KIF5B: variants seen among roughly 807,000 people sequenced by gnomAD.
The protein encoded by KIF5B is kinesin-1 heavy chain.
In KIF5B, 49 loss-of-function variants were observed where a neutral mutation model predicts 132.8. The ratio of observed to expected loss-of-function variants is 0.37; its 90% CI spans 0.29 to 0.47. KIF5B has a LOEUF of 0.47. Among genes scored for constraint, KIF5B ranks in the 20% least tolerant of loss-of-function variants. The pLI is 1.00. For missense variants in KIF5B, 780 were observed against 1,144.0 expected, an observed-to-expected ratio of 0.68 and a Z score of 4.59; for synonymous variants, 355 against 369.4, an observed-to-expected ratio of 0.96 and a Z score of 0.45.
At chr10:32,037,449 T>C in intron 7 of KIF5B, 71 bp from the exon 8 acceptor site, 1 of 1,593,154 alleles carries the variant, frequency 6.3e-7, no homozygotes, top group Non-Finnish European at 8.6e-7. Flanking sequence ...GAAGCAATCT[T>C]ATAATTAATC....
chr10:32,028,585 A>G lies in KIF5B; in HGVS notation c.1582-14T>C, dbSNP rs377529734. 3.1e-6 allele frequency: 5 copies of G among 1,600,436 alleles called. No individual in the cohort carries two copies. Among genetic ancestry groups the G allele is most frequent in the Non-Finnish European group, 4.3e-6 (5 of 1,174,430 alleles). The stretch of plus-strand genomic sequence containing the variant: ...CGCTAAAGTTGCCTAAGAGAACCCA[A>G]AACAAAAAGTATAGTTAAATCTACT... On this transcript the variant is annotated splice_polypyrimidine_tract_variant and intron_variant, in intron 14 of 25. Transcript: ENST00000302418.
chr10:32,033,326 C>T (rs1841424269), intron 12 of KIF5B, among the ~76,000 whole-genome samples: 1 of 152,174 alleles, frequency 6.6e-6, no homozygotes, highest in Non-Finnish European at 1.5e-5. Flanking sequence ...TGTTAGGAAC[C>T]AAGAAGCACA....
intron 10 of KIF5B, among the ~76,000 whole-genome samples, chr10:32,035,227 T>C (rs1246935402): frequency 6.6e-6 from 1 of 152,242 alleles, no homozygotes; most frequent in East Asian, 1.9e-4. Flanking sequence ...AACAGAGGAT[T>C]ATGTTTGCCA....
At position 32,019,768 on chromosome 10, in the gene KIF5B, T is replaced by C; in HGVS notation, c.2306+90A>G. 9.9e-6 allele frequency: 8 copies of C among 805,342 alleles called. No individual in the cohort carries two copies. The South Asian group carries it at 1.5e-4, about 15-fold the overall frequency. The allele number at this position is 805,342 out of a possible 1,614,324, so 49.9% of individuals were successfully genotyped here. A position where few individuals can be genotyped will look rare whatever the true frequency, so the allele number is the denominator to read the frequency against. On this transcript the variant is annotated intron_variant, in intron 20 of 25. Coordinates refer to ENST00000302418, the MANE Select transcript of KIF5B (RefSeq NM_004521.3). Reference sequence around the variant, plus strand: ...ATCCTTTAGCCCATACAAAGTAAAATATGTATCCACTGGCTATATCCAAAG... The same window carrying C: ...ATCCTTTAGCCCATACAAAGTAAAACATGTATCCACTGGCTATATCCAAAG...
intron 6 of KIF5B, 77 bp from the exon 7 acceptor site, chr10:32,037,684 T>G (rs1841478743): frequency 9.0e-7 from 1 of 1,109,566 alleles, no homozygotes; most frequent in Non-Finnish European, 1.3e-6. Context: ...AACACAAAAA[T>G]TAGCCGGGCG....
chr10:32,042,837 C>T (rs1841560482), intron 2 of KIF5B, among the ~76,000 whole-genome samples: 1 of 152,106 alleles, frequency 6.6e-6, no homozygotes, highest in South Asian at 2.1e-4. Flanking sequence ...TTCAGCCTCC[C>T]CAGCAAAATG....
chr10:32,042,427 C>T (rs76090890), intron 2 of KIF5B, among the ~76,000 whole-genome samples: 2,343 of 152,196 alleles, frequency 0.015, 58 homozygotes, highest in African/African-American at 0.052. Context: ...CACAACGCAC[C>T]CCCAAAATAT....
intron 15 of KIF5B, among the ~76,000 whole-genome samples, chr10:32,026,486 A>G (rs915546611): frequency 2.0e-5 from 3 of 146,532 alleles, no homozygotes; most frequent in African/African-American, 7.4e-5. Context: ...GAGCTTATAT[A>G]TGATGAGAGG....
chr10:32,031,594 A>G (rs1841402995), intron 13 of KIF5B, among the ~76,000 whole-genome samples: 1 of 152,142 alleles, frequency 6.6e-6, no homozygotes, highest in African/African-American at 2.4e-5. Flanking sequence ...AGTGCTTAGT[A>G]ATACAGGAAA....
intron 16 of KIF5B, among the ~76,000 whole-genome samples, chr10:32,022,567 A>G (rs1485213635): frequency 1.3e-5 from 2 of 152,228 alleles, no homozygotes; most frequent in Non-Finnish European, 2.9e-5. Flanking sequence ...TCAGTTGCCA[A>G]GCCAGGAAAC....
chr10:32,018,720 C>CA (rs112190132), intron 20 of KIF5B, among the ~76,000 whole-genome samples, 158 bp from the exon 21 acceptor site: 31,573 of 150,316 alleles, frequency 0.21, 3,433 homozygotes, highest in Non-Finnish European at 0.25. Context: ...TGCTGTCTTT[C>CA]AAAAAAAAAA....
chr10:32,030,245 G>A (rs761638616), intron 14 of KIF5B, among the ~76,000 whole-genome samples: 2 of 152,094 alleles, frequency 1.3e-5, no homozygotes, highest in African/African-American at 2.4e-5. Context: ...CGCCAGGCAC[G>A]GTGGCTCACG....
At chr10:32,041,100 C>G (rs559524744) in intron 2 of KIF5B, among the ~76,000 whole-genome samples, 1 of 146,134 alleles carries the variant, frequency 6.8e-6, no homozygotes, top group Non-Finnish European at 1.5e-5. Flanking sequence ...GAGCTGAGAT[C>G]GAGCCACTGC....
At chr10:32,023,340 T>A (rs1841290199) in intron 15 of KIF5B, among the ~76,000 whole-genome samples, 1 of 152,210 alleles carries the variant, frequency 6.6e-6, no homozygotes, top group Non-Finnish European at 1.5e-5. Flanking sequence ...TCTGCCTCTT[T>A]CAATTTTTTC....
rs1841251920 is a variant in KIF5B, at chr10:32,021,065, C to G, written c.2161G>C (p.Asp721His). 1 of 1,613,156 alleles carries G rather than the reference C, an allele frequency of 6.2e-7. No homozygotes were observed. Among genetic ancestry groups the G allele is most frequent in the Admixed American group, 1.7e-5 (1 of 59,984 alleles). ...AGTTTTGCTTTTGCTTCTACTTCATCTCTCAAACTACTGATCTGTTTTTGA... is the reference window on the plus strand; with the variant it reads ...AGTTTTGCTTTTGCTTCTACTTCATGTCTCAAACTACTGATCTGTTTTTGA... ...THQKQISSLR[D>H]EVEAKAKLIT... Residue 721 changes from aspartate to histidine, a missense_variant, in exon 19 of 26, where the codon GAT becomes CAT. This residue lies in a region of KIF5B where 471 missense variants were observed against 569.9 expected (regional missense o/e 0.83). Coordinates refer to ENST00000302418, the MANE Select transcript of KIF5B (RefSeq NM_004521.3).
At chr10:32,031,346 T>G (rs1841400554) in intron 13 of KIF5B, 67 bp from the exon 14 acceptor site, 1 of 1,193,020 alleles carries the variant, frequency 8.4e-7, no homozygotes, top group Admixed American at 2.0e-5. Context: ...CCATGAAGCT[T>G]CACCATTTGT....
chr10:32,056,396 C>A lies in KIF5B; in HGVS notation c.-423G>T, dbSNP rs955753079. 16 of 219,908 alleles carry A rather than the reference C, an allele frequency of 7.3e-5. No homozygotes were observed. Among genetic ancestry groups the A allele is most frequent in the Non-Finnish European group, 1.4e-4 (15 of 109,290 alleles). The allele number at this position is 219,908 out of a possible 1,614,324, so 13.6% of individuals were successfully genotyped here. A position where few individuals can be genotyped will look rare whatever the true frequency, so the allele number is the denominator to read the frequency against. On this transcript the variant is annotated 5_prime_UTR_variant, in exon 1 of 26. Coordinates refer to ENST00000302418, the MANE Select transcript of KIF5B (RefSeq NM_004521.3). ...GTCCGCTGGCCGGCCGACTGCTGCCCGATCACTCCTGAGGCCGCCGTTGGG... is the reference window on the plus strand; with the variant it reads ...GTCCGCTGGCCGGCCGACTGCTGCCAGATCACTCCTGAGGCCGCCGTTGGG...
In KIF5B at chr10:32,018,115, A is replaced by T. The variant is rs1332441191; in HGVS notation, c.2481T>A (p.Ala827=). ...IDSDDTGGSA[A]QKQKISFLEN... Reference sequence around the variant, plus strand: ...CAAGAAAGGAGATTTTTTGCTTCTGAGCAGCGCTGCCTCCGGTGTCATCAG... The same window carrying T: ...CAAGAAAGGAGATTTTTTGCTTCTGTGCAGCGCTGCCTCCGGTGTCATCAG... Residue 827 remains alanine (A), a synonymous_variant, in exon 23 of 26, where the codon GCT becomes GCA. Transcript: ENST00000302418. The T allele has an allele frequency of 6.2e-7, 1 of 1,612,186 alleles. No homozygotes were observed. The highest frequency in any genetic ancestry group is 1.1e-5 in the South Asian group (1 of 90,882).
chr10:32,017,103 A>C, intron 24 of KIF5B, 40 bp downstream of exon 24: 1 of 1,517,460 alleles, frequency 6.6e-7, no homozygotes, highest in Non-Finnish European at 9.2e-7. Flanking sequence ...AAAGCATTCA[A>C]ATTGAGCAAG....
Sources: gnomAD v4.1 joint callset for allele counts (sites outside exome capture counted in the v4.1 genomes callset) on GRCh38, gnomAD v4.1.1 for gene constraint, gnomAD v4.1.1 regional missense constraint, MANE v1.5 for transcripts, NCBI Gene and HGNC (gene_info 2026-07-23, HGNC 2026-07-21) for gene names.